Variants in PTK2 observed in about 807,000 individuals in gnomAD.
The protein encoded by PTK2 is focal adhesion kinase 1.
Under a neutral mutation model 150.1 loss-of-function variants are expected in PTK2, and 45 were observed. The observed-to-expected ratio is 0.30, with a 90% CI of 0.24 to 0.38. The LOEUF is 0.38. Among genes scored for constraint, PTK2 ranks in the 10% least tolerant of loss-of-function variants. The pLI is 1.00. For synonymous variants in PTK2, 432 were observed against 449.2 expected (o/e 0.96, Z 0.48); for missense variants, 919 against 1,307.3 (o/e 0.70, Z 4.58).
chr8:140,970,284 T>C (rs886503346), intron 1 of PTK2, among the ~76,000 whole-genome samples: 4 of 152,258 alleles, frequency 2.6e-5, no homozygotes, highest in Non-Finnish European at 5.9e-5. Context: ...GCTTCTCTTT[T>C]CCTGAACAAT....
At chr8:140,949,528 G>A (rs2100178806) in intron 1 of PTK2, among the ~76,000 whole-genome samples, 1 of 152,246 alleles carries the variant, frequency 6.6e-6, no homozygotes, top group African/African-American at 2.4e-5. Context: ...GCCCACTCCA[G>A]GGCAGAGCAA....
At chr8:140,935,103 T>C (rs2100173165) in intron 1 of PTK2, among the ~76,000 whole-genome samples, 1 of 152,166 alleles carries the variant, frequency 6.6e-6, no homozygotes, top group Non-Finnish European at 1.5e-5. Context: ...TATGAGAGCA[T>C]TAAAGAAAGG....
chr8:140,995,945 T>A (rs751417881), intron 1 of PTK2, among the ~76,000 whole-genome samples: 6 of 151,712 alleles, frequency 4.0e-5, no homozygotes, highest in Admixed American at 2.0e-4. Context: ...CTTAGCCGGG[T>A]GCAGTGGCTC....
At chr8:140,933,259 T>TTC (rs2100172529) in intron 1 of PTK2, among the ~76,000 whole-genome samples, 1 of 151,620 alleles carries the variant, frequency 6.6e-6, no homozygotes, top group African/African-American at 2.4e-5. Context: ...AGAAGAGCAT[T>TTC]TCCTTTAGAA....
chr8:140,681,278 G>A (rs557679022), intron 27 of PTK2, among the ~76,000 whole-genome samples: 8 of 151,756 alleles, frequency 5.3e-5, no homozygotes, highest in South Asian at 4.2e-4. Flanking sequence ...TCTTGAGCCC[G>A]GTAAGCAGAA....
intron 1 of PTK2, among the ~76,000 whole-genome samples, chr8:140,939,719 T>G (rs571201525): frequency 6.6e-6 from 1 of 152,240 alleles, no homozygotes; most frequent in African/African-American, 2.4e-5. Flanking sequence ...CTAGGTAGTA[T>G]GTACACATTT....
intron 1 of PTK2, among the ~76,000 whole-genome samples, chr8:140,975,994 G>A (rs2100189145): frequency 6.6e-6 from 1 of 152,168 alleles, no homozygotes; most frequent in Admixed American, 6.5e-5. Flanking sequence ...CACTACTTAC[G>A]TCTGTTAAAG....
intron 8 of PTK2, among the ~76,000 whole-genome samples, chr8:140,825,746 T>C (rs994602857): frequency 1.7e-4 from 26 of 152,296 alleles, no homozygotes; most frequent in African/African-American, 5.8e-4. Flanking sequence ...ACACATCTTG[T>C]CTCCTCAGCC....
At chr8:140,664,877 T>G in intron 31 of PTK2, 40 bp downstream of exon 35, 3 of 1,586,662 alleles carry the variant, frequency 1.9e-6, no homozygotes, top group Non-Finnish European at 2.6e-6. Flanking sequence ...CCCTGCCCAG[T>G]GCTGTCACAG....
intron 17 of PTK2, among the ~76,000 whole-genome samples, chr8:140,749,321 C>T (rs1262480033): frequency 6.6e-6 from 1 of 152,208 alleles, no homozygotes; most frequent in African/African-American, 2.4e-5. Flanking sequence ...TTTCAATTTA[C>T]TGTAAGTAAC....
In PTK2 at chr8:140,674,337, G is replaced by A. The variant is rs111372760; in HGVS notation, c.2670C>T (p.Ser890=). 3.0e-5 allele frequency: 49 copies of A among 1,608,046 alleles called. 1 individual carries two copies. The highest frequency in any genetic ancestry group is 2.0e-4 in the African/African-American group (15 of 74,998). Residue 890 remains serine (S), a synonymous_variant, in exon 29 of 32, where the codon AGC becomes AGT. Coordinates refer to ENST00000522684, the Ensembl canonical transcript of PTK2. The stretch of plus-strand genomic sequence containing the variant: ...TGTAGCTGTCAGCAGGGCTGCTGAG[G>A]CTGGCAAGGCTTCCCAGATGACCGG...
At position 140,709,675 on chromosome 8, in the gene PTK2, A is replaced by C. The variant is rs533303329; in HGVS notation, c.2143-3470T>G. 6.8e-4 allele frequency among the ~76,000 whole-genome samples: 103 copies of C among 152,350 alleles called. 1 individual carries two copies. The highest frequency in any genetic ancestry group is 3.8e-3 in the Admixed American group (58 of 15,296). ...GTCAAGATCTTTGAAAATGGCTTTC[A>C]TATGAGTCCAAAAGTGTCAACTGCT... On this transcript the variant is annotated intron_variant, in intron 23 of 31. Coordinates refer to ENST00000522684, the Ensembl canonical transcript of PTK2.
chr8:140,754,945 AT>A (rs1336406192), intron 16 of PTK2, among the ~76,000 whole-genome samples: 1 of 152,232 alleles, frequency 6.6e-6, no homozygotes, highest in Non-Finnish European at 1.5e-5. Context: ...CTCAAAATAG[AT>A]TTTTAAAATC....
At chr8:140,700,993 A>G in exon 26 of PTK2, 1 of 1,614,044 alleles carries the variant, frequency 6.2e-7, no homozygotes, top group Non-Finnish European at 8.5e-7. Flanking sequence ...ACACTTGCCC[A>G]ATCCCTCGCA....
intron 23 of PTK2, among the ~76,000 whole-genome samples, chr8:140,712,054 C>CTT (rs1393609312): frequency 6.6e-6 from 1 of 152,078 alleles, no homozygotes; most frequent in Non-Finnish European, 1.5e-5. Flanking sequence ...TTCAGGACCC[C>CTT]TTTACAGTCT....
At chr8:140,987,378 G>T (rs937664596) in intron 1 of PTK2, among the ~76,000 whole-genome samples, 1 of 152,012 alleles carries the variant, frequency 6.6e-6, no homozygotes, top group South Asian at 2.1e-4. Flanking sequence ...ATGGGTTTTC[G>T]TCATGTTGGC....
chr8:140,816,639 A>ATAT (rs2100104874), intron 10 of PTK2, among the ~76,000 whole-genome samples: 2 of 152,250 alleles, frequency 1.3e-5, no homozygotes, highest in Admixed American at 1.3e-4. Flanking sequence ...TAGGCAAAGT[A>ATAT]CATGATATGA....
At chr8:140,751,528 A>G (rs1018007430) in intron 17 of PTK2, among the ~76,000 whole-genome samples, 34 of 149,744 alleles carry the variant, frequency 2.3e-4, no homozygotes, top group Non-Finnish European at 4.7e-4. Context: ...AGATTGCTCT[A>G]TTGCCCAGGC....
At chr8:140,724,744 C>T (rs965290190) in intron 22 of PTK2, among the ~76,000 whole-genome samples, 3 of 152,206 alleles carry the variant, frequency 2.0e-5, no homozygotes, top group Admixed American at 6.5e-5. Context: ...GTCAACGCTG[C>T]TTCACCACAA....
Sources: allele counts gnomAD v4.1 joint callset (sites outside exome capture counted in the v4.1 genomes callset), GRCh38; gene constraint gnomAD v4.1.1; transcripts MANE v1.5; gene names NCBI Gene and HGNC (gene_info 2026-07-23, HGNC 2026-07-21).